SMAP1: variants seen among roughly 807,000 people sequenced by gnomAD.
SMAP1 encodes the protein small ArfGAP 1.
A neutral mutation model predicts 58.5 loss-of-function variants in SMAP1; 24 were observed. The ratio of observed to expected loss-of-function variants is 0.41; its 90% CI spans 0.30 to 0.58. The LOEUF is 0.58. Ranked by LOEUF, SMAP1 falls within the 20% of genes least tolerant of loss-of-function variation. The pLI, the probability that SMAP1 is intolerant of heterozygous loss-of-function variation, is 0.29. For missense variants in SMAP1, 563 were observed against 566.3 expected, an observed-to-expected ratio of 0.99 and a Z score of 0.06; for synonymous variants, 216 against 196.6, an observed-to-expected ratio of 1.10 and a Z score of -0.82.
chr6:70,757,932 C>G (rs1285266989), intron 3 of SMAP1, among the ~76,000 whole-genome samples: 10 of 151,900 alleles, frequency 6.6e-5, no homozygotes, highest in Admixed American at 6.6e-4. Flanking sequence ...GGAATGTAAA[C>G]TAGTTCAACC....
intron 4 of SMAP1, among the ~76,000 whole-genome samples, chr6:70,782,188 G>C (rs1309270891): frequency 6.6e-6 from 1 of 152,154 alleles, no homozygotes; most frequent in Non-Finnish European, 1.5e-5. Flanking sequence ...CAGTGAAATG[G>C]AATTAATATC....
At chr6:70,843,403 G>C (rs919903280) in intron 7 of SMAP1, among the ~76,000 whole-genome samples, 1 of 152,102 alleles carries the variant, frequency 6.6e-6, no homozygotes, top group Admixed American at 6.6e-5. Context: ...CTTGTGTGCT[G>C]ACAGATATTT....
intron 1 of SMAP1, chr6:70,693,948 C>T (rs1301318822): frequency 6.4e-6 from 1 of 156,994 alleles, no homozygotes; most frequent in Non-Finnish European, 1.4e-5. Flanking sequence ...CTATCTTTTT[C>T]CTACAGTCAT....
At chr6:70,699,331 G>A (rs1767534413) in intron 1 of SMAP1, among the ~76,000 whole-genome samples, 1 of 152,134 alleles carries the variant, frequency 6.6e-6, no homozygotes, top group African/African-American at 2.4e-5. Flanking sequence ...ACCACCACTG[G>A]GACTGCGCTG....
chr6:70,857,962 A>G lies in SMAP1; in HGVS notation c.1002A>G (p.Gln334=), dbSNP rs771090826. Residue 334 remains glutamine, a synonymous_variant, in exon 10 of 11, where the codon CAA becomes CAG. Transcript: ENST00000370455. ...MGPTNIPFTS[Q]APAAFQGFPS... ...CCACAAATATACCATTTACCTCACA[A>G]GCACCAGCTGCATTTCAGGGCTTTC... is the stretch of plus-strand genomic sequence containing the variant. 3 of 1,614,134 alleles carry G rather than the reference A, an allele frequency of 1.9e-6. No homozygotes were observed. The highest frequency in any genetic ancestry group is 2.5e-6 in the Non-Finnish European group (3 of 1,180,004).
intron 4 of SMAP1, among the ~76,000 whole-genome samples, chr6:70,784,402 C>T (rs1177471760): frequency 6.6e-6 from 1 of 152,136 alleles, no homozygotes; most frequent in Non-Finnish European, 1.5e-5. Flanking sequence ...AACTAACAAG[C>T]AAAATAACCA....
intron 7 of SMAP1, chr6:70,837,681 T>TTTAA: frequency 4.7e-6 from 3 of 636,490 alleles, no homozygotes; most frequent in Non-Finnish European, 6.2e-6. Context: ...TTTTTTTTTT[T>TTTAA]ACATTTTTTT....
chr6:70,794,876 C>T (rs1184319769), intron 5 of SMAP1, among the ~76,000 whole-genome samples: 2 of 150,942 alleles, frequency 1.3e-5, no homozygotes, highest in Non-Finnish European at 2.9e-5. Flanking sequence ...GCAAGCTCTG[C>T]CTCCCGGGTT....
chr6:70,683,165 C>CTTTTTTTTTTT (rs112629325), intron 1 of SMAP1, among the ~76,000 whole-genome samples: 4 of 114,536 alleles, frequency 3.5e-5, no homozygotes, highest in Non-Finnish European at 7.0e-5. Context: ...TAAGATTTAA[C>CTTTTTTTTTTT]TTTTTTTTTT....
chr6:70,732,179 A>G (rs1008440711), intron 1 of SMAP1, among the ~76,000 whole-genome samples, 199 bp from the exon 2 acceptor site: 8 of 152,166 alleles, frequency 5.3e-5, no homozygotes, highest in African/African-American at 1.9e-4. Context: ...AAATGAGTAA[A>G]ATCAATAAGG....
At chr6:70,684,020 G>A (rs1200898655) in intron 1 of SMAP1, among the ~76,000 whole-genome samples, 4 of 152,190 alleles carry the variant, frequency 2.6e-5, no homozygotes, top group Non-Finnish European at 5.9e-5. Context: ...TGAGAAGGGA[G>A]GTAAATTGTG....
chr6:70,668,863 T>A, intron 1 of SMAP1: 1 of 957,458 alleles, frequency 1.0e-6, no homozygotes, highest in Non-Finnish European at 1.5e-6. Flanking sequence ...TTTCTGAAGA[T>A]TTTAGTAATT....
chr6:70,675,671 AAAAC>A (rs909290256), intron 1 of SMAP1, among the ~76,000 whole-genome samples: 91 of 152,114 alleles, frequency 6.0e-4, no homozygotes, highest in African/African-American at 2.1e-3. Context: ...AAAAAAGAAA[AAAAC>A]AACTTGGAGG....
intron 1 of SMAP1, among the ~76,000 whole-genome samples, chr6:70,698,122 G>A (rs553935213): frequency 2.0e-5 from 3 of 152,146 alleles, no homozygotes; most frequent in East Asian, 3.9e-4. Context: ...GCTTTTGTTT[G>A]TCTGGCAATG....
intron 1 of SMAP1, among the ~76,000 whole-genome samples, chr6:70,670,418 G>A (rs1410350218): frequency 6.6e-6 from 1 of 152,078 alleles, no homozygotes; most frequent in East Asian, 1.9e-4. Context: ...TGAAAAATTC[G>A]ACATGATAGA....
chr6:70,820,706 G>GA (rs766717489), intron 6 of SMAP1, among the ~76,000 whole-genome samples: 314 of 133,086 alleles, frequency 2.4e-3, no homozygotes, highest in Admixed American at 3.2e-3. Flanking sequence ...CTCCATCTCG[G>GA]AAAAAAAAAA....
At chr6:70,790,031 C>T (rs181697908) in intron 4 of SMAP1, among the ~76,000 whole-genome samples, 149 of 152,312 alleles carry the variant, frequency 9.8e-4, no homozygotes, top group African/African-American at 3.3e-3. Flanking sequence ...TTGACATACT[C>T]AATGCCCGTA....
intron 2 of SMAP1, among the ~76,000 whole-genome samples, chr6:70,746,040 T>C (rs563851605): frequency 6.6e-6 from 1 of 152,256 alleles, no homozygotes; most frequent in Non-Finnish European, 1.5e-5. Context: ...GAGACTTTGC[T>C]GAAGTTGCTT....
intron 3 of SMAP1, among the ~76,000 whole-genome samples, chr6:70,766,260 T>C (rs1005231326): frequency 3.3e-5 from 5 of 152,106 alleles, no homozygotes; most frequent in African/African-American, 7.2e-5. Context: ...GGTACATACC[T>C]AGTAATGGGA....
Sources: gnomAD v4.1 joint callset for allele counts (sites outside exome capture counted in the v4.1 genomes callset) on GRCh38, gnomAD v4.1.1 for gene constraint, MANE v1.5 for transcripts, NCBI Gene and HGNC (gene_info 2026-07-23, HGNC 2026-07-21) for gene names.